Variants in RARB observed in about 807,000 individuals in gnomAD.
RARB encodes retinoic acid receptor beta, also known as HBV-activated protein.
Under a neutral mutation model 51.9 loss-of-function variants are expected in RARB, and 17 were observed. The ratio of observed to expected loss-of-function variants is 0.33; its 90% CI spans 0.22 to 0.49. The LOEUF (loss-of-function observed/expected upper bound fraction) is 0.49, where lower values mean the gene tolerates loss of function less well. Among genes scored for constraint, RARB ranks in the 20% least tolerant of loss-of-function variants. The pLI is 0.99. For missense variants in RARB, 369 were observed against 550.8 expected (o/e 0.67, Z 3.30); for synonymous variants, 215 against 195.4 (o/e 1.10, Z -0.84).
chr3:25,304,695 T>C (rs531824112), intron 5 of RARB, among the ~76,000 whole-genome samples: 2 of 152,194 alleles, frequency 1.3e-5, no homozygotes, highest in Non-Finnish European at 2.9e-5. Context: ...GTTATTATAA[T>C]AGTTAATTAG....
chr3:25,205,128 G>A lies in RARB; in HGVS notation c.178+30553G>A, dbSNP rs994002263. On this transcript the variant is annotated intron_variant, in intron 5 of 11. Transcript: ENST00000383772. ...CCTACTCAAGCCTCAGCAATGGCGG[G>A]TGCCCCTCCCCCAGCCTCTCTGCCA... Among the ~76,000 whole-genome samples the A allele has an allele frequency of 5.9e-5, 9 of 152,264 alleles. No individual in the cohort carries two copies. In the South Asian group the frequency reaches 6.2e-4, roughly 11 times the overall value.
chr3:25,525,108 G>C (rs958301127), intron 3 of RARB, among the ~76,000 whole-genome samples: 1 of 152,192 alleles, frequency 6.6e-6, no homozygotes, highest in Non-Finnish European at 1.5e-5. Context: ...GAAAATTTCA[G>C]TGTACCTCAT....
intron 5 of RARB, among the ~76,000 whole-genome samples, chr3:25,328,241 C>T (rs776613270): frequency 2.6e-5 from 4 of 152,200 alleles, no homozygotes; most frequent in South Asian, 2.1e-4. Flanking sequence ...GCCTCTAGGC[C>T]GGGTGCAGTG....
intron 5 of RARB, among the ~76,000 whole-genome samples, chr3:25,365,697 G>T (rs575223206): frequency 2.0e-5 from 3 of 152,142 alleles, no homozygotes; most frequent in Admixed American, 2.0e-4. Flanking sequence ...TGTTATCTGG[G>T]CTAGGATAAT....
chr3:25,493,051 T>C (rs1473250173), intron 2 of RARB, among the ~76,000 whole-genome samples: 1 of 151,938 alleles, frequency 6.6e-6, no homozygotes, highest in Admixed American at 6.6e-5. Flanking sequence ...TCAGCTTTCT[T>C]GTTTGGAGTA....
chr3:25,183,276 T>A lies in RARB; in HGVS notation c.178+8701T>A, dbSNP rs140727431. ...AATGAATAATATTTGAAGAAAGGAC[T>A]TTTTTTATTACTGCATAGCCAATCT... On this transcript the variant is annotated intron_variant, in intron 5 of 11. Coordinates refer to the RARB transcript ENST00000383772. Among the ~76,000 whole-genome samples the A allele has an allele frequency of 2.3e-3, 357 of 152,244 alleles. 2 individuals are homozygous for A. Among genetic ancestry groups the A allele is most frequent in the East Asian group, 0.02 (105 of 5,172 alleles).
At chr3:25,176,160 G>A (rs144355095) in intron 5 of RARB, among the ~76,000 whole-genome samples, 2,040 of 152,164 alleles carry the variant, frequency 0.013, 23 homozygotes, top group Middle Eastern at 0.044. Flanking sequence ...TGAGATATGA[G>A]TAGGATTCCC....
chr3:24,996,951 C>T lies in RARB; in HGVS notation c.-379-63174C>T, dbSNP rs375690679. Among the ~76,000 whole-genome samples, 12 of 152,196 alleles carry T rather than the reference C, an allele frequency of 7.9e-5. No individual in the cohort carries two copies. The South Asian group carries it at 1.2e-3, about 16-fold the overall frequency. ...TTCTGTAGCTGTTGGGTGAAATGTTCTGCAAATGTCTTTTAGGTCCATTTG... is the reference window on the plus strand; with the variant it reads ...TTCTGTAGCTGTTGGGTGAAATGTTTTGCAAATGTCTTTTAGGTCCATTTG... On this transcript the variant is annotated intron_variant, in intron 2 of 11. Transcript: ENST00000383772.
At chr3:24,922,434 T>C (rs895255416) in intron 2 of RARB, among the ~76,000 whole-genome samples, 2 of 152,326 alleles carry the variant, frequency 1.3e-5, no homozygotes, top group African/African-American at 4.8e-5. Context: ...GCTGAGCATG[T>C]ATCAAATCAT....
chr3:24,996,396 C>G (rs945788540), intron 2 of RARB, among the ~76,000 whole-genome samples: 1 of 151,774 alleles, frequency 6.6e-6, no homozygotes, highest in African/African-American at 2.4e-5. Context: ...TTTTGTTTAT[C>G]TTTTCACAAA....
At chr3:25,308,150 T>C (rs1034474957) in intron 5 of RARB, among the ~76,000 whole-genome samples, 1 of 152,220 alleles carries the variant, frequency 6.6e-6, no homozygotes, top group Non-Finnish European at 1.5e-5. Context: ...TTGAGTGAGA[T>C]GGAGTCTTAG....
intron 5 of RARB, among the ~76,000 whole-genome samples, chr3:25,398,335 TA>T (rs1395232910): frequency 6.6e-6 from 1 of 152,046 alleles, no homozygotes; most frequent in East Asian, 1.9e-4. Flanking sequence ...TTATTATCGA[TA>T]AAAGTTACAC....
intron 2 of RARB, among the ~76,000 whole-genome samples, chr3:24,985,484 A>G (rs1696769221): frequency 6.6e-6 from 1 of 152,002 alleles, no homozygotes; most frequent in Non-Finnish European, 1.5e-5. Context: ...GTATTTAGTT[A>G]ATTGGTAACT....
At chr3:25,465,568 G>T (rs369192575) in intron 2 of RARB, among the ~76,000 whole-genome samples, 2 of 152,292 alleles carry the variant, frequency 1.3e-5, no homozygotes, top group South Asian at 2.1e-4. Flanking sequence ...GACAGTCTCA[G>T]CCTCTGCTGC....
intron 5 of RARB, among the ~76,000 whole-genome samples, chr3:25,222,888 G>A (rs752681628): frequency 3.3e-5 from 5 of 152,118 alleles, no homozygotes; most frequent in Admixed American, 2.6e-4. Flanking sequence ...CGAAATTCAA[G>A]TATATAAATT....
At chr3:25,060,575 C>T (rs1229234956) in intron 3 of RARB, among the ~76,000 whole-genome samples, 1 of 151,722 alleles carries the variant, frequency 6.6e-6, no homozygotes, top group East Asian at 1.9e-4. Flanking sequence ...TGACTACATT[C>T]CAATAAAATG....
chr3:25,473,607 A>G (rs1213179815), intron 2 of RARB, among the ~76,000 whole-genome samples: 4 of 152,202 alleles, frequency 2.6e-5, no homozygotes, highest in Non-Finnish European at 1.5e-5. Context: ...GTTTTTATAA[A>G]GCTTGTCACC....
At chr3:25,161,345 C>T (rs1015310757) in intron 4 of RARB, among the ~76,000 whole-genome samples, 1 of 152,042 alleles carries the variant, frequency 6.6e-6, no homozygotes. Context: ...CCACGCCTGG[C>T]TGATGTCAAG....
At chr3:25,205,371 C>T (rs1000696530) in intron 5 of RARB, among the ~76,000 whole-genome samples, 2 of 152,182 alleles carry the variant, frequency 1.3e-5, no homozygotes, top group African/African-American at 4.8e-5. Context: ...CCTTGCACTT[C>T]CCGGGTGAGG....
Sources: allele counts gnomAD v4.1 joint callset (sites outside exome capture counted in the v4.1 genomes callset), GRCh38; gene constraint gnomAD v4.1.1; transcripts MANE v1.5; gene names NCBI Gene and HGNC (gene_info 2026-07-23, HGNC 2026-07-21).